The following SLC30A6 variants were observed in gnomAD, a reference collection of about 807,000 sequenced individuals.
SLC30A6 encodes the protein zinc transporter 6.
A neutral mutation model predicts 63.0 loss-of-function variants in SLC30A6; 55 were observed. The ratio of observed to expected loss-of-function variants is 0.87; its 90% CI spans 0.70 to 1.09. The LOEUF is 1.09. Ranked by LOEUF, SLC30A6 falls within the 50% of genes least tolerant of loss-of-function variation. The probability of loss-of-function intolerance (pLI) is 0.00; values close to 1 mark genes in which losing one functional copy is unlikely to be tolerated. For synonymous variants in SLC30A6, 224 were observed against 186.1 expected (o/e 1.20, Z -1.66); for missense variants, 587 against 549.2 (o/e 1.07, Z -0.69).
chr2:32,207,989 G>A (rs212684), intron 12 of SLC30A6, among the ~76,000 whole-genome samples: 1 of 151,044 alleles, frequency 6.6e-6, no homozygotes. Context: ...TGAGCCACCA[G>A]GCCCGGCCTA....
intron 11 of SLC30A6, 111 bp from the exon 12 acceptor site, chr2:32,206,775 C>T: frequency 1.3e-6 from 1 of 783,082 alleles, no homozygotes; most frequent in Non-Finnish European, 2.2e-6. Context: ...GATAGGACAG[C>T]TGTCAAAGCA....
intron 8 of SLC30A6, 54 bp downstream of exon 8, chr2:32,194,037 C>CAA: frequency 6.9e-7 from 1 of 1,447,868 alleles, no homozygotes; most frequent in Non-Finnish European, 9.5e-7. Context: ...CTCATAAAAA[C>CAA]AAGCCTTTTG....
chr2:32,201,660 G>T, intron 10 of SLC30A6: 1 of 1,509,878 alleles, frequency 6.6e-7, no homozygotes, highest in South Asian at 1.2e-5. Flanking sequence ...GGAGGAGTCC[G>T]AGAGCCAGAA....
chr2:32,220,191 G>T (rs1384303731), intron 13 of SLC30A6, 22 bp from the exon 14 acceptor site: 7 of 1,590,918 alleles, frequency 4.4e-6, no homozygotes, highest in Non-Finnish European at 6.0e-6. Flanking sequence ...CAATCTCTTT[G>T]TTATGATTTT....
At chr2:32,175,501 C>G (rs1222796174) in intron 4 of SLC30A6, 140 bp downstream of exon 4, 1 of 723,468 alleles carries the variant, frequency 1.4e-6, no homozygotes, top group Non-Finnish European at 2.2e-6. Flanking sequence ...GCTTTGAAGA[C>G]AGTCATAAAG....
chr2:32,170,131 T>A (rs937311470), intron 1 of SLC30A6, among the ~76,000 whole-genome samples: 2 of 152,222 alleles, frequency 1.3e-5, no homozygotes, highest in African/African-American at 2.4e-5. Flanking sequence ...TTAGAGCTTC[T>A]TGGGTTTTAT....
At chr2:32,197,449 C>A in intron 9 of SLC30A6, 57 bp downstream of exon 9, 1 of 1,495,346 alleles carries the variant, frequency 6.7e-7, no homozygotes, top group Non-Finnish European at 9.3e-7. Context: ...ACAAGAAATG[C>A]ATCTATCATG....
At chr2:32,180,536 G>A (rs770911200) in intron 4 of SLC30A6, among the ~76,000 whole-genome samples, 48 of 152,106 alleles carry the variant, frequency 3.2e-4, no homozygotes, top group Non-Finnish European at 6.5e-4. Flanking sequence ...GGTCTCAAGC[G>A]ATTCTCCTGT....
In SLC30A6 at chr2:32,192,942, C is replaced by T. The variant is rs149729568; in HGVS notation, c.390C>T (p.Pro130=). The T allele has an allele frequency of 2.6e-4, 389 of 1,508,450 alleles. No individual in the cohort carries two copies. Among genetic ancestry groups the T allele is most frequent in the Non-Finnish European group, 2.4e-4 (270 of 1,113,996 alleles). 93.4% of individuals were successfully genotyped at this position (1,508,450 alleles called of 1,614,324 possible). The stretch of plus-strand genomic sequence containing the variant: ...GTGCAGAACGCTTTTTGGAACAGCC[C>T]GAGATACACACGTGAGATTTTATTT... The part of the protein sequence containing the change: ...KESAERFLEQ[P]EIHTGRLLVG... The change falls in exon 7 of 14, where the codon CCC becomes CCT. Residue 130 remains proline, a synonymous_variant. Transcript: ENST00000282587.
intron 4 of SLC30A6, chr2:32,177,593 A>G (rs1302337695): frequency 5.9e-6 from 1 of 170,280 alleles, no homozygotes; most frequent in Non-Finnish European, 1.3e-5. Context: ...TGCCTGAGCA[A>G]TAGGTATGTT....
At chr2:32,200,030 G>T (rs988203912) in intron 10 of SLC30A6, among the ~76,000 whole-genome samples, 1 of 151,702 alleles carries the variant, frequency 6.6e-6, no homozygotes, top group Non-Finnish European at 1.5e-5. Context: ...CAGGAGAATC[G>T]CTTGAACCCA....
chr2:32,205,071 C>T (rs1684629545), intron 11 of SLC30A6, among the ~76,000 whole-genome samples: 1 of 152,190 alleles, frequency 6.6e-6, no homozygotes, highest in Non-Finnish European at 1.5e-5. Context: ...CTGCGGCCTC[C>T]CAAAGTGTTG....
chr2:32,174,548 AT>A (rs11432136), intron 3 of SLC30A6, among the ~76,000 whole-genome samples: 80 of 92,286 alleles, frequency 8.7e-4, no homozygotes, highest in African/African-American at 3.1e-3. Context: ...CTATCTGGAG[AT>A]TTTTTTTTTT....
intron 10 of SLC30A6, among the ~76,000 whole-genome samples, chr2:32,204,382 A>G (rs1182849482): frequency 6.6e-6 from 1 of 152,080 alleles, no homozygotes; most frequent in Non-Finnish European, 1.5e-5. Flanking sequence ...ATTATTAGTT[A>G]TTTTTCCACT....
intron 5 of SLC30A6, among the ~76,000 whole-genome samples, chr2:32,189,041 T>C (rs1683087475): frequency 6.6e-6 from 1 of 152,254 alleles, no homozygotes; most frequent in African/African-American, 2.4e-5. Flanking sequence ...TTTCACTTTT[T>C]AGCTATTATA....
At chr2:32,194,315 T>C (rs1390562124) in intron 8 of SLC30A6, among the ~76,000 whole-genome samples, 3 of 152,196 alleles carry the variant, frequency 2.0e-5, no homozygotes, top group Admixed American at 2.0e-4. Context: ...TTTAGAAGTA[T>C]CAGTATACTT....
intron 13 of SLC30A6, chr2:32,214,681 C>T (rs1284794336): frequency 6.6e-6 from 1 of 152,098 alleles, no homozygotes; most frequent in Non-Finnish European, 1.5e-5. Context: ...GGTTAAGACC[C>T]AGGAATTTAA....
rs1437494783 is a variant in SLC30A6, at chr2:32,223,786, T to TG, written c.*3077dup. ...TCTTTCTTTGTAAGGAAGGGTTATT[T>TG]GGGGAAGTGTTGGAAAAAAGATTAG... is the stretch of plus-strand genomic sequence containing the variant. On this transcript the variant is annotated 3_prime_UTR_variant, in exon 14 of 14. Coordinates refer to ENST00000282587, the MANE Select transcript of SLC30A6 (RefSeq NM_017964.5). 6.6e-6 allele frequency: 1 copy of TG among 152,168 alleles called. No homozygotes were observed. Among genetic ancestry groups the TG allele is most frequent in the Non-Finnish European group, 1.5e-5 (1 of 68,026 alleles). The allele number at this position is 152,168 out of a possible 1,614,324, so 9.4% of individuals were successfully genotyped here. A position where few individuals can be genotyped will look rare whatever the true frequency, so the allele number is the denominator to read the frequency against.
intron 8 of SLC30A6, among the ~76,000 whole-genome samples, chr2:32,194,343 T>A (rs920440922): frequency 1.3e-5 from 2 of 152,214 alleles, no homozygotes; most frequent in Non-Finnish European, 2.9e-5. Flanking sequence ...TTAGTTGATA[T>A]GCTAATTGAA....
Sources: allele counts gnomAD v4.1 joint callset (sites outside exome capture counted in the v4.1 genomes callset), GRCh38; gene constraint gnomAD v4.1.1; transcripts MANE v1.5; gene names NCBI Gene and HGNC (gene_info 2026-07-23, HGNC 2026-07-21).